Variants in DTHD1 observed in about 807,000 individuals in gnomAD.
The protein encoded by DTHD1 is death domain containing 1, also known as death domain-containing protein 1.
A neutral mutation model predicts 74.8 loss-of-function variants in DTHD1; 59 were observed. The observed-to-expected ratio is 0.79, with a 90% confidence interval of 0.64 to 0.98. The LOEUF is 0.98. DTHD1 is among the 50% of genes least tolerant of loss of function. The pLI is 0.00. For synonymous variants in DTHD1, 365 were observed against 371.1 expected (o/e 0.98, Z 0.19); for missense variants, 1,051 against 1,065.4 (o/e 0.99, Z 0.19).
intron 8 of DTHD1, among the ~76,000 whole-genome samples, chr4:36,320,327 G>C (rs746396159): frequency 6.6e-6 from 1 of 152,168 alleles, no homozygotes; most frequent in African/African-American, 2.4e-5. Flanking sequence ...ACACTGTCCA[G>C]CTCAACTCTG....
intron 8 of DTHD1, among the ~76,000 whole-genome samples, chr4:36,333,273 C>G (rs1447202371): frequency 6.6e-6 from 1 of 151,776 alleles, no homozygotes; most frequent in Non-Finnish European, 1.5e-5. Flanking sequence ...ACTGAGAGCT[C>G]TAGTCATTGG....
chr4:36,289,763 G>T (rs1755943155), intron 2 of DTHD1, among the ~76,000 whole-genome samples: 1 of 152,040 alleles, frequency 6.6e-6, no homozygotes, highest in African/African-American at 2.4e-5. Flanking sequence ...AGAGTAAAAT[G>T]AATGATCAAA....
intron 9 of DTHD1, among the ~76,000 whole-genome samples, chr4:36,340,542 A>T (rs544411910): frequency 6.6e-6 from 1 of 152,214 alleles, no homozygotes; most frequent in Non-Finnish European, 1.5e-5. Flanking sequence ...TGCTCAGCTG[A>T]GTGGCTGCAT....
chr4:36,341,176 G>C (rs1236591027), intron 9 of DTHD1, among the ~76,000 whole-genome samples: 3 of 152,124 alleles, frequency 2.0e-5, no homozygotes, highest in African/African-American at 7.2e-5. Flanking sequence ...GATTTTGAAA[G>C]AGTATGTGAT....
chr4:36,321,768 G>T (rs1758049169), intron 8 of DTHD1, among the ~76,000 whole-genome samples: 1 of 152,090 alleles, frequency 6.6e-6, no homozygotes, highest in Non-Finnish European at 1.5e-5. Context: ...TCATGCCTCT[G>T]CCCCAAACCC....
intron 7 of DTHD1, 98 bp from the exon 8 acceptor site, chr4:36,316,144 C>A (rs760426776): frequency 8.5e-5 from 96 of 1,125,848 alleles, no homozygotes; most frequent in Non-Finnish European, 1.1e-4. Context: ...ACCATGTTAG[C>A]CAGGATGGTC....
chr4:36,292,453 G>A lies in DTHD1; in HGVS notation c.1219-1073G>A, dbSNP rs574891494. On this transcript the variant is annotated intron_variant, in intron 3 of 9. Transcript: ENST00000639862. ...TTACTTCCAAATTTTTATGTGGATCGTATGACATTATAAAATTCTAATTAT... is the reference window on the plus strand; with the variant it reads ...TTACTTCCAAATTTTTATGTGGATCATATGACATTATAAAATTCTAATTAT... Among the ~76,000 whole-genome samples, 20 of 152,228 alleles carry A rather than the reference G, an allele frequency of 1.3e-4. No individual in the cohort carries two copies. The East Asian group carries it at 2.1e-3, about 16-fold the overall frequency.
chr4:36,337,021 G>C (rs1759046295), intron 8 of DTHD1, among the ~76,000 whole-genome samples: 1 of 152,140 alleles, frequency 6.6e-6, no homozygotes, highest in Non-Finnish European at 1.5e-5. Context: ...GAGCCACACA[G>C]GGATGCTAGG....
chr4:36,337,671 C>G (rs139189645), intron 8 of DTHD1, among the ~76,000 whole-genome samples: 1 of 152,244 alleles, frequency 6.6e-6, no homozygotes, highest in Non-Finnish European at 1.5e-5. Context: ...AATTTTTTCC[C>G]ATCAAAACTT....
intron 9 of DTHD1, among the ~76,000 whole-genome samples, chr4:36,341,379 T>C (rs1182511129): frequency 6.6e-6 from 1 of 151,958 alleles, no homozygotes; most frequent in Non-Finnish European, 1.5e-5. Flanking sequence ...GGAATGAGAT[T>C]TTGTAAGAAA....
chr4:36,344,146 G>A lies in DTHD1; in HGVS notation c.*322G>A. The A allele has an allele frequency of 4.4e-6, 1 of 227,596 alleles. No homozygotes were observed. The highest frequency in any genetic ancestry group is 9.7e-5 in the East Asian group (1 of 10,290). The allele number at this position is 227,596 out of a possible 1,614,324, so 14.1% of individuals were successfully genotyped here. ...AGTGTGAAGAAAAGATCTGATATAT[G>A]TAATTACTTATTAATTGGTATCTAC... On this transcript the variant is annotated 3_prime_UTR_variant, in exon 10 of 10. Coordinates refer to ENST00000639862, the MANE Select transcript of DTHD1 (RefSeq NM_001170700.3).
chr4:36,342,068 G>A (rs188927386), intron 9 of DTHD1, among the ~76,000 whole-genome samples: 2 of 152,214 alleles, frequency 1.3e-5, no homozygotes, highest in East Asian at 3.8e-4. Context: ...CATTGGAGTT[G>A]ACAAAATTAA....
rs114503530 is a variant in DTHD1, at chr4:36,342,190, G to A, written c.2399-1312G>A. ...GAGAAAAGCCTGCCCAGATAACATG[G>A]ACTTCAAAATGAATGCACTGCATGG... On this transcript the variant is annotated intron_variant, in intron 9 of 9. Transcript: ENST00000639862. Among the ~76,000 whole-genome samples the A allele has an allele frequency of 6.3e-3, 960 of 152,308 alleles. 10 individuals are homozygous for A. Among genetic ancestry groups the A allele is most frequent in the Middle Eastern group, 0.01 (3 of 294 alleles).
chr4:36,323,590 A>G (rs1758160566), intron 8 of DTHD1, among the ~76,000 whole-genome samples: 1 of 109,256 alleles, frequency 9.2e-6, no homozygotes, highest in Admixed American at 8.9e-5. Flanking sequence ...TTTAAAAAGC[A>G]GATTGAAAGA....
intron 8 of DTHD1, among the ~76,000 whole-genome samples, chr4:36,331,217 A>G (rs958906521): frequency 6.6e-6 from 1 of 152,096 alleles, no homozygotes; most frequent in Non-Finnish European, 1.5e-5. Context: ...AAATGAGCTC[A>G]AGTTTTGCTT....
At chr4:36,336,839 G>T (rs749564207) in intron 8 of DTHD1, among the ~76,000 whole-genome samples, 13 of 152,230 alleles carry the variant, frequency 8.5e-5, no homozygotes, top group Non-Finnish European at 1.9e-4. Context: ...GCATTTTGAG[G>T]TTGGGATACT....
chr4:36,320,509 G>C (rs1048714749), intron 8 of DTHD1, among the ~76,000 whole-genome samples: 2 of 152,210 alleles, frequency 1.3e-5, no homozygotes, highest in Non-Finnish European at 2.9e-5. Context: ...TTTCATAGAT[G>C]AATCTACTGC....
chr4:36,344,799 C>G lies in DTHD1; in HGVS notation c.*975C>G, dbSNP rs1759506767. On this transcript the variant is annotated 3_prime_UTR_variant, in exon 10 of 10. Transcript: ENST00000639862. ...GGGGCTTGTTCAGATAGTTGGGAGA[C>G]TTAGAATTTTATTTTTGGTTGACTC... 1 of 152,022 alleles carries G rather than the reference C, an allele frequency of 6.6e-6. No individual in the cohort carries two copies. The highest frequency in any genetic ancestry group is 2.4e-5 in the African/African-American group (1 of 41,384). 9.4% of individuals were successfully genotyped at this position (152,022 alleles called of 1,614,324 possible). A position where few individuals can be genotyped will look rare whatever the true frequency, so the allele number is the denominator to read the frequency against.
At chr4:36,285,195 C>T (rs936732069) in intron 2 of DTHD1, among the ~76,000 whole-genome samples, 4 of 151,864 alleles carry the variant, frequency 2.6e-5, no homozygotes, top group Non-Finnish European at 4.4e-5. Flanking sequence ...TGAGTAGATA[C>T]GAAAGTAGTT....
Sources: gnomAD v4.1 joint callset for allele counts (sites outside exome capture counted in the v4.1 genomes callset) on GRCh38, gnomAD v4.1.1 for gene constraint, MANE v1.5 for transcripts, NCBI Gene and HGNC (gene_info 2026-07-23, HGNC 2026-07-21) for gene names.